PATE4: variants seen among roughly 807,000 people sequenced by gnomAD.
PATE4 encodes prostate and testis expressed protein 4.
PATE4 carries 13 observed loss-of-function variants against 8.5 expected under a neutral mutation model. The ratio of observed to expected loss-of-function variants is 1.53; its 90% CI spans 1.00 to 2.43. The LOEUF is 2.43. PATE4 is among the 30% of genes most tolerant of loss of function. PATE4 has a pLI of 0.00. For synonymous variants in PATE4, 47 were observed against 39.3 expected, an observed-to-expected ratio of 1.20 and a Z score of -0.73; for missense variants, 127 against 115.5, an observed-to-expected ratio of 1.10 and a Z score of -0.46.
At chr11:125,838,163 G>T (rs1943933706) in intron 2 of PATE4, 143 bp from the exon 3 acceptor site, 7 of 1,079,254 alleles carry the variant, frequency 6.5e-6, no homozygotes, top group Non-Finnish European at 7.8e-6. Flanking sequence ...TCCAGAGCCA[G>T]TTACGGTGGC....
At chr11:125,838,194 G>A (rs1197594840) in intron 2 of PATE4, 112 bp from the exon 3 acceptor site, 1 of 1,259,668 alleles carries the variant, frequency 7.9e-7, no homozygotes, top group East Asian at 2.5e-5. Flanking sequence ...ATGAACCCAG[G>A]AGCCGGGAAG....
At chr11:125,834,568 T>A (rs1353469098) in intron 1 of PATE4, among the ~76,000 whole-genome samples, 4 of 152,192 alleles carry the variant, frequency 2.6e-5, no homozygotes. Flanking sequence ...GACAAGAATT[T>A]TCCAAGCATT....
intron 1 of PATE4, chr11:125,834,869 T>C (rs901612278): frequency 6.6e-6 from 1 of 152,178 alleles, no homozygotes; most frequent in Non-Finnish European, 1.5e-5. Context: ...GTGCAGAGTA[T>C]GCATAGTATA....
At position 125,833,397 on chromosome 11, in the gene PATE4, CT is replaced by C. The variant is rs1168732064; in HGVS notation, c.42del (p.Leu15SerfsTer9). 3.2e-6 allele frequency: 5 copies of C among 1,551,402 alleles called. No individual in the cohort carries two copies. Among genetic ancestry groups the C allele is most frequent in the Non-Finnish European group, 4.4e-6 (5 of 1,146,886 alleles). Reference protein sequence around the residue: ...KMNTLLLVSLSFLYLKEVMGL... With the variant: ...KMNTLLLVSLXFLYLKEVMGL... Reference sequence around the variant, plus strand: ...AACACACTGCTCCTTGTGAGCTTATCTTTTCTCTACCTCAAAGAGGGTAAGT... The same window carrying C: ...AACACACTGCTCCTTGTGAGCTTATCTTTCTCTACCTCAAAGAGGGTAAGT... On this transcript the variant is annotated frameshift_variant, in exon 1 of 3. Transcript: ENST00000457514. LOFTEE classifies it high-confidence loss of function.
At position 125,839,800 on chromosome 11, in the gene PATE4, C is replaced by T. The variant is rs1943947883; in HGVS notation, c.*1373C>T. The T allele has an allele frequency of 6.6e-6, 1 of 152,158 alleles. No homozygotes were observed. Among genetic ancestry groups the T allele is most frequent in the Non-Finnish European group, 1.5e-5 (1 of 68,038 alleles). 9.4% of individuals were successfully genotyped at this position (152,158 alleles called of 1,614,324 possible). ...AAACCTGCCCCCATGATTCAATTAC[C>T]TCCCACCGGTCCCTCCCACAACACG... On this transcript the variant is annotated 3_prime_UTR_variant, in exon 3 of 3. Transcript: ENST00000457514.
intron 1 of PATE4, chr11:125,835,175 G>A (rs1451484404): frequency 6.6e-6 from 1 of 152,184 alleles, no homozygotes; most frequent in Non-Finnish European, 1.5e-5. Flanking sequence ...ATTATTCGAA[G>A]AGCATTATCA....
chr11:125,834,189 T>C (rs535149370), intron 1 of PATE4, among the ~76,000 whole-genome samples: 43 of 152,312 alleles, frequency 2.8e-4, no homozygotes, highest in African/African-American at 1.0e-3. Flanking sequence ...TTTCTAACTA[T>C]GACTCAAAAT....
In PATE4 at chr11:125,838,241, A is replaced by G; in HGVS notation, c.176-65A>G. ...TTAAGTGCTATTCCTCTTGGTGGTG[A>G]GTTTTAGTAAGTCACTAGTAAGGCA... On this transcript the variant is annotated intron_variant, in intron 2 of 2. Coordinates refer to ENST00000457514, the MANE Select transcript of PATE4 (RefSeq NM_001144874.1). The G allele has an allele frequency of 1.4e-5, 20 of 1,446,774 alleles. No individual in the cohort carries two copies. In the Admixed American group the frequency reaches 2.4e-4, roughly 18 times the overall value. The allele number at this position is 1,446,774 out of a possible 1,614,324, so 89.6% of individuals were successfully genotyped here. A position where few individuals can be genotyped will look rare whatever the true frequency, so the allele number is the denominator to read the frequency against.
chr11:125,837,810 C>A, intron 1 of PATE4, 58 bp from the exon 2 acceptor site: 1 of 1,288,008 alleles, frequency 7.8e-7, no homozygotes, highest in Non-Finnish European at 1.1e-6. Flanking sequence ...ATGCTGAAAA[C>A]TCACTTTTCC....
intron 1 of PATE4, among the ~76,000 whole-genome samples, chr11:125,837,047 C>T (rs535991988): frequency 6.6e-6 from 1 of 152,314 alleles, no homozygotes; most frequent in Admixed American, 6.5e-5. Context: ...CAAGACCATT[C>T]CCAAAATTGG....
intron 2 of PATE4, 82 bp downstream of exon 2, chr11:125,838,066 T>A: frequency 8.6e-7 from 1 of 1,157,540 alleles, no homozygotes; most frequent in Non-Finnish European, 1.3e-6. Context: ...GAACTCGATA[T>A]CATTTAGCTC....
intron 2 of PATE4, 132 bp from the exon 3 acceptor site, chr11:125,838,174 G>T: frequency 8.8e-7 from 1 of 1,141,262 alleles, no homozygotes; most frequent in Non-Finnish European, 1.2e-6. Context: ...TTACGGTGGC[G>T]ATTGGGAACA....
rs1038683153 is a variant in PATE4, at chr11:125,838,698, G to A, written c.*271G>A. 2.9e-6 allele frequency: 1 copy of A among 342,920 alleles called. No homozygotes were observed. Among genetic ancestry groups the A allele is most frequent in the South Asian group, 1.2e-4 (1 of 8,462 alleles). 21.2% of individuals were successfully genotyped at this position (342,920 alleles called of 1,614,324 possible). On this transcript the variant is annotated 3_prime_UTR_variant, in exon 3 of 3. Coordinates refer to ENST00000457514, the MANE Select transcript of PATE4 (RefSeq NM_001144874.1). ...TGATTTCTGATTTCTATCCCTTGTA[G>A]GCTAAATAATGGACCCCCAAATATT... is the stretch of plus-strand genomic sequence containing the variant.
intron 1 of PATE4, among the ~76,000 whole-genome samples, chr11:125,836,975 C>T (rs1003184632): frequency 2.6e-5 from 4 of 152,098 alleles, no homozygotes; most frequent in Admixed American, 6.6e-5. Context: ...ATTAAGAGGT[C>T]GTTAGCAACA....
Position 125,838,343 on chromosome 11 carries a change from T to C in PATE4, c.213T>C (p.Tyr71=). The change falls in exon 3 of 3, where the codon TAT becomes TAC. Residue 71 remains tyrosine, a synonymous_variant. Coordinates refer to ENST00000457514, the MANE Select transcript of PATE4 (RefSeq NM_001144874.1). ...KHMYSTHMCK[Y]KCREEESSKR... Reference sequence around the variant, plus strand: ...TGTACTCAACACATATGTGTAAGTATAAGTGCCGGGAAGAGGAGTCCTCCA... The same window carrying C: ...TGTACTCAACACATATGTGTAAGTACAAGTGCCGGGAAGAGGAGTCCTCCA... The C allele has an allele frequency of 6.4e-7, 1 of 1,551,166 alleles. No individual in the cohort carries two copies. The highest frequency in any genetic ancestry group is 1.4e-5 in the African/African-American group (1 of 73,120).
intron 2 of PATE4, 45 bp from the exon 3 acceptor site, chr11:125,838,261 A>G: frequency 6.7e-7 from 1 of 1,498,642 alleles, no homozygotes; most frequent in Non-Finnish European, 8.9e-7. Flanking sequence ...AGTCACTAGT[A>G]AGGCAATCTC....
rs1349721690 is a variant in PATE4, at chr11:125,839,847, G to C, written c.*1420G>C. The C allele has an allele frequency of 6.6e-6, 1 of 152,136 alleles. No homozygotes were observed. Among genetic ancestry groups the C allele is most frequent in the Non-Finnish European group, 1.5e-5 (1 of 68,024 alleles). 9.4% of individuals were successfully genotyped at this position (152,136 alleles called of 1,614,324 possible). A position where few individuals can be genotyped will look rare whatever the true frequency, so the allele number is the denominator to read the frequency against. ...CACGTGGGAATTGAAGATGAAATTT[G>C]GGTGGGGACACAGCCAAACCATATC... On this transcript the variant is annotated 3_prime_UTR_variant, in exon 3 of 3. Coordinates refer to ENST00000457514, the MANE Select transcript of PATE4 (RefSeq NM_001144874.1).
At chr11:125,838,254 C>A in intron 2 of PATE4, 52 bp from the exon 3 acceptor site, 2 of 1,480,808 alleles carry the variant, frequency 1.4e-6, no homozygotes, top group Admixed American at 2.5e-5. Flanking sequence ...TTTAGTAAGT[C>A]ACTAGTAAGG....
rs1308710276 is a variant in PATE4 at position 125,839,349 on chromosome 11, G to A, written c.*922G>A. On this transcript the variant is annotated 3_prime_UTR_variant, in exon 3 of 3. Transcript: ENST00000457514. ...CAGAGCACATGCTATGAATAAATGT[G>A]GAGATCAATTTGTGGATTTTAAACT... 1.3e-5 allele frequency: 2 copies of A among 152,176 alleles called. No homozygotes were observed. The highest frequency in any genetic ancestry group is 4.8e-5 in the African/African-American group (2 of 41,424). The allele number at this position is 152,176 out of a possible 1,614,324, so 9.4% of individuals were successfully genotyped here.
Sources: gnomAD v4.1 joint callset for allele counts (sites outside exome capture counted in the v4.1 genomes callset) on GRCh38, gnomAD v4.1.1 for gene constraint, MANE v1.5 for transcripts, NCBI Gene and HGNC (gene_info 2026-07-23, HGNC 2026-07-21) for gene names.